The following COL6A5 variants were observed in gnomAD, a reference collection of about 807,000 sequenced individuals.
The protein encoded by COL6A5 is collagen alpha-5(VI) chain.
A neutral mutation model predicts 65.6 loss-of-function variants in COL6A5; 48 were observed. The ratio of observed to expected loss-of-function variants is 0.73; its 90% CI spans 0.58 to 0.93. The LOEUF (loss-of-function observed/expected upper bound fraction) is 0.93, where lower values mean the gene tolerates loss of function less well. Ranked by LOEUF, COL6A5 falls within the 40% of genes least tolerant of loss-of-function variation. COL6A5 has a pLI of 0.00. For synonymous variants in COL6A5, 291 were observed against 322.8 expected (o/e 0.90, Z 1.05); for missense variants, 914 against 928.3 (o/e 0.98, Z 0.20).
rs1447071681 is a variant in COL6A5 at position 130,379,408 on chromosome 3, G to A, written c.668-10G>A. 1 of 1,546,136 alleles carries A rather than the reference G, an allele frequency of 6.5e-7. No individual in the cohort carries two copies. Among genetic ancestry groups the A allele is most frequent in the East Asian group, 2.4e-5 (1 of 40,824 alleles). On this transcript the variant is annotated splice_polypyrimidine_tract_variant and intron_variant and NMD_transcript_variant, in intron 3 of 41. Transcript: ENST00000312481. ...TTATACTAATCCTCACACATTTTCT[G>A]TCTGCATAGTTCACTTCCCCATATC... is the stretch of plus-strand genomic sequence containing the variant.
exon 3 of COL6A5, chr3:130,440,209 T>G (rs1709141285): frequency 6.2e-7 from 1 of 1,612,968 alleles, no homozygotes; most frequent in African/African-American, 1.3e-5. Flanking sequence ...CTTTCTTACC[T>G]GAAGATTCAT....
chr3:130,380,127 C>CA, intron 4 of COL6A5, 77 bp downstream of exon 4: 1 of 1,080,844 alleles, frequency 9.3e-7, no homozygotes, highest in South Asian at 1.9e-5. Context: ...GAGTGAGGAT[C>CA]AACTGTAATT....
chr3:130,457,813 A>G (rs915987881), intron 5 of COL6A5, among the ~76,000 whole-genome samples: 2 of 152,134 alleles, frequency 1.3e-5, no homozygotes, highest in Non-Finnish European at 2.9e-5. Flanking sequence ...GCTGTCCTGT[A>G]GAGTGAGTTG....
At chr3:130,352,108 G>A (rs1246935326) in intron 1 of COL6A5, among the ~76,000 whole-genome samples, 1 of 152,160 alleles carries the variant, frequency 6.6e-6, no homozygotes, top group Admixed American at 6.5e-5. Context: ...ATTGAACAAT[G>A]AGAACACTTG....
At chr3:130,420,435 G>A (rs1937492188) in intron 25 of COL6A5, among the ~76,000 whole-genome samples, 1 of 152,014 alleles carries the variant, frequency 6.6e-6, no homozygotes, top group Non-Finnish European at 1.5e-5. Flanking sequence ...CTTGTTACTG[G>A]TTATTTAGCT....
intron 4 of COL6A5, among the ~76,000 whole-genome samples, chr3:130,452,361 G>T (rs1249948092): frequency 1.3e-5 from 2 of 152,110 alleles, no homozygotes; most frequent in African/African-American, 4.8e-5. Flanking sequence ...ATTCATGTAG[G>T]TTCTTTTCTA....
chr3:130,451,219 C>G (rs1250771232), intron 4 of COL6A5, among the ~76,000 whole-genome samples: 1 of 152,110 alleles, frequency 6.6e-6, no homozygotes, highest in East Asian at 1.9e-4. Context: ...GTCTAATCCA[C>G]TTGTTTCTTT....
Position 130,393,302 on chromosome 3 carries a change from C to A in COL6A5, c.2992+1548C>A, listed in dbSNP as rs77441518. Among the ~76,000 whole-genome samples, 14 of 152,208 alleles carry A rather than the reference C, an allele frequency of 9.2e-5. No homozygotes were observed. The East Asian group carries it at 2.3e-3, about 25-fold the overall frequency. On this transcript the variant is annotated intron_variant and NMD_transcript_variant, in intron 7 of 41. Coordinates refer to the COL6A5 transcript ENST00000312481. ...TCCAGCCCACCACTGTGCCTGCCTA[C>A]GTCTCACTTTTCTGTCAAATTTCAG... is the stretch of plus-strand genomic sequence containing the variant.
chr3:130,475,518 T>C (rs1553761353), intron 7 of COL6A5, among the ~76,000 whole-genome samples: 3 of 146,522 alleles, frequency 2.0e-5, no homozygotes, highest in Non-Finnish European at 4.6e-5. Flanking sequence ...TTATATCCAA[T>C]AAAGATATCC....
intron 5 of COL6A5, among the ~76,000 whole-genome samples, chr3:130,467,350 A>G (rs1350252063): frequency 6.6e-6 from 1 of 152,026 alleles, no homozygotes; most frequent in African/African-American, 2.4e-5. Context: ...ATAATAATTT[A>G]TTATATATTT....
chr3:130,418,015 C>T (rs144679237), intron 24 of COL6A5, among the ~76,000 whole-genome samples: 45 of 151,988 alleles, frequency 3.0e-4, no homozygotes, highest in African/African-American at 1.0e-3. Flanking sequence ...CGAAATTTTG[C>T]TAAGAGAGTA....
upstream of COL6A5, among the ~76,000 whole-genome samples, chr3:130,428,653 T>G (rs1457067987): frequency 6.6e-6 from 1 of 152,182 alleles, no homozygotes; most frequent in African/African-American, 2.4e-5. Context: ...CAGCTATGTT[T>G]GAAGTTAACA....
chr3:130,431,098 T>C (rs1937781908), upstream of COL6A5, among the ~76,000 whole-genome samples: 1 of 152,206 alleles, frequency 6.6e-6, no homozygotes, highest in Admixed American at 6.5e-5. Flanking sequence ...AATTTATTTC[T>C]CTTTGTATGT....
At chr3:130,374,386 G>A (rs952486115) in intron 2 of COL6A5, among the ~76,000 whole-genome samples, 2 of 152,034 alleles carry the variant, frequency 1.3e-5, no homozygotes, top group African/African-American at 4.8e-5. Flanking sequence ...CACAGAAAAG[G>A]CAATACCTTG....
At chr3:130,469,113 T>C (rs774703480) in exon 6 of COL6A5, 3 of 1,613,120 alleles carry the variant, frequency 1.9e-6, no homozygotes, top group South Asian at 2.2e-5. Context: ...ATACACCAAA[T>C]GAAACATCAT....
intron 1 of COL6A5, among the ~76,000 whole-genome samples, chr3:130,353,131 A>G (rs1241250725): frequency 6.6e-6 from 1 of 152,224 alleles, no homozygotes; most frequent in Admixed American, 6.5e-5. Context: ...AAGCTTTTTT[A>G]TAAAGTAGCA....
At chr3:130,473,047 A>G (rs1357717854) in intron 7 of COL6A5, among the ~76,000 whole-genome samples, 1 of 151,014 alleles carries the variant, frequency 6.6e-6, no homozygotes, top group Non-Finnish European at 1.5e-5. Context: ...ACAAAAAGAG[A>G]GAGAGAAGAT....
At chr3:130,431,746 G>T (rs1461357665) in exon 1 of COL6A5, 31 of 1,551,452 alleles carry the variant, frequency 2.0e-5, no homozygotes, top group Non-Finnish European at 2.6e-5. Context: ...CCGAGATGTT[G>T]GTAATGCAAT....
chr3:130,379,626 C>A lies in COL6A5; in HGVS notation c.876C>A (p.Ser292Arg), dbSNP rs540827343. 2.6e-6 allele frequency: 4 copies of A among 1,551,448 alleles called. No individual in the cohort carries two copies. The South Asian group carries it at 4.8e-5, about 18-fold the overall frequency. ...AGACTATTTCTTTTCTTAAATCAAG[C>A]ACAACCCAATCTGAATTTCAGCAGC... is the stretch of plus-strand genomic sequence containing the variant. Residue 292 changes from serine to arginine, a missense_variant and NMD_transcript_variant, in exon 4 of 42, where the codon AGC becomes AGA. Physicochemically the swap from Ser to Arg is moderately radical, Grantham distance 110 (BLOSUM62 -1). Coordinates refer to the COL6A5 transcript ENST00000312481.
Sources: allele counts gnomAD v4.1 joint callset (sites outside exome capture counted in the v4.1 genomes callset), GRCh38; gene constraint gnomAD v4.1.1; transcripts MANE v1.5; gene names NCBI Gene and HGNC (gene_info 2026-07-23, HGNC 2026-07-21).